Variants in NUP210 observed in about 807,000 individuals in gnomAD.
The protein encoded by NUP210 is nucleoporin 210.
Under a neutral mutation model 196.0 loss-of-function variants are expected in NUP210, and 151 were observed. The ratio of observed to expected loss-of-function variants is 0.77; its 90% CI spans 0.67 to 0.88. The LOEUF is 0.88. Ranked by LOEUF, NUP210 falls within the 40% of genes least tolerant of loss-of-function variation. The probability of loss-of-function intolerance (pLI) is 0.00; values close to 1 mark genes in which losing one functional copy is unlikely to be tolerated. For missense variants in NUP210, 2,314 were observed against 2,493.7 expected, an observed-to-expected ratio of 0.93 and a Z score of 1.53; for synonymous variants, 1,070 against 1,052.7, an observed-to-expected ratio of 1.02 and a Z score of -0.32.
At chr3:13,407,351 TC>T in intron 1 of NUP210, among the ~76,000 whole-genome samples, 1 of 152,140 alleles carries the variant, frequency 6.6e-6, no homozygotes, top group Non-Finnish European at 1.5e-5. Flanking sequence ...TTGTGATTAC[TC>T]CTGCTTGAAC....
Position 13,377,447 on chromosome 3 carries a change from G to A in NUP210, c.1152+9C>T. On this transcript the variant is annotated intron_variant, in intron 9 of 39. Transcript: ENST00000254508. ...CATCCCCCCAGCCAGGACCTGAACA[G>A]GCACTCACGTCAGATACATAGACCT... The A allele has an allele frequency of 6.3e-7, 1 of 1,592,366 alleles. No individual in the cohort carries two copies.
rs11918212 is a variant in NUP210, at chr3:13,332,393, G to C, written c.3844-9C>G. The C allele has an allele frequency of 0.073, 116,887 of 1,609,634 alleles. 7,943 individuals carry two copies. Among genetic ancestry groups the C allele is most frequent in the African/African-American group, 0.36 (26,882 of 74,890 alleles). On this transcript the variant is annotated splice_polypyrimidine_tract_variant and intron_variant, in intron 28 of 39. Transcript: ENST00000254508. ...TGCAGCTTCTCAAACACCTGCAAGA[G>C]AGGGCAAGTTTCACTTCCGATGGGG...
intron 30 of NUP210, among the ~76,000 whole-genome samples, chr3:13,329,169 A>G (rs1397578818): frequency 6.6e-6 from 1 of 152,180 alleles, no homozygotes; most frequent in Non-Finnish European, 1.5e-5. Flanking sequence ...TGGCCTCTCT[A>G]TGAGAAAACC....
chr3:13,358,366 G>A lies in NUP210; in HGVS notation c.2184C>T (p.Pro728=). 2.5e-6 allele frequency: 4 copies of A among 1,613,108 alleles called. No individual in the cohort carries two copies. The highest frequency in any genetic ancestry group is 3.4e-6 in the Non-Finnish European group (4 of 1,179,430). The change falls in exon 16 of 40, where the codon CCC becomes CCT. Residue 728 remains proline, a synonymous_variant. Coordinates refer to ENST00000254508, the MANE Select transcript of NUP210 (RefSeq NM_024923.4). ...QVIALSVGNK[P]SLTNPFPAVE... is the part of the protein sequence containing the mutation. ...CCGCAGGAAAGGGGTTGGTGAGGCTGGGCTTGTTCCCCACCGACAGGGCGA... is the reference window on the plus strand; with the variant it reads ...CCGCAGGAAAGGGGTTGGTGAGGCTAGGCTTGTTCCCCACCGACAGGGCGA...
chr3:13,401,741 A>T (rs547362105), intron 1 of NUP210, among the ~76,000 whole-genome samples: 1 of 152,262 alleles, frequency 6.6e-6, no homozygotes, highest in East Asian at 1.9e-4. Flanking sequence ...AAGCACACAC[A>T]AGAGTGTGGA....
intron 9 of NUP210, 45 bp downstream of exon 9, chr3:13,377,411 C>T (rs532866947): frequency 1.6e-5 from 22 of 1,413,854 alleles, no homozygotes; most frequent in African/African-American, 8.5e-5. Flanking sequence ...CGTCAGACAA[C>T]GACCCCACCT....
At chr3:13,400,014 G>C (rs969854067) in intron 1 of NUP210, among the ~76,000 whole-genome samples, 153 bp from the exon 2 acceptor site, 1 of 152,184 alleles carries the variant, frequency 6.6e-6, no homozygotes, top group Non-Finnish European at 1.5e-5. Context: ...CAAACCCAGA[G>C]GAGACGTGGG....
chr3:13,326,394 C>T (rs547538518), intron 32 of NUP210, among the ~76,000 whole-genome samples: 77 of 152,262 alleles, frequency 5.1e-4, no homozygotes, highest in African/African-American at 1.8e-3. Flanking sequence ...AGAGCTTTCA[C>T]CACATACACA....
intron 3 of NUP210, among the ~76,000 whole-genome samples, chr3:13,393,060 A>G (rs1382045601): frequency 1.3e-5 from 2 of 152,176 alleles, no homozygotes; most frequent in African/African-American, 2.4e-5. Flanking sequence ...TAACACAAAT[A>G]CATGCCAACA....
chr3:13,392,873 C>T (rs1699536022), intron 3 of NUP210, among the ~76,000 whole-genome samples: 1 of 151,610 alleles, frequency 6.6e-6, no homozygotes, highest in Non-Finnish European at 1.5e-5. Context: ...GCCCAGCAGG[C>T]CGGCTTTGCA....
intron 30 of NUP210, 79 bp from the exon 31 acceptor site, chr3:13,329,025 G>T: frequency 1.6e-6 from 2 of 1,282,478 alleles, no homozygotes; most frequent in South Asian, 2.6e-5. Context: ...CCAAGGAGGG[G>T]ACACCTGCCC....
Position 13,343,180 on chromosome 3 carries a change from C to T in NUP210, c.2959G>A (p.Asp987Asn). ...DIQELYIRVV[D>N]KVEIGKTVKA... is the part of the protein sequence containing the mutation. ...GTCATGAAGCTTCCACTGACCTTGT[C>T]AACCACACGGATGTACAGCTCCTGA... is the stretch of plus-strand genomic sequence containing the variant. The change falls in exon 21 of 40, where the codon GAC (aspartate) becomes AAC (asparagine). Residue 987 changes from aspartate to asparagine, a missense_variant. Transcript: ENST00000254508. 1.2e-6 allele frequency: 2 copies of T among 1,614,132 alleles called. No individual in the cohort carries two copies. The highest frequency in any genetic ancestry group is 2.7e-5 in the African/African-American group (2 of 75,054).
intron 14 of NUP210, among the ~76,000 whole-genome samples, chr3:13,362,346 T>C (rs1484552558): frequency 1.3e-5 from 2 of 152,298 alleles, no homozygotes; most frequent in East Asian, 1.9e-4. Flanking sequence ...CTCAGCTCCA[T>C]TGCTGTGGGG....
chr3:13,369,332 C>A (rs928015418), intron 13 of NUP210, among the ~76,000 whole-genome samples: 2 of 152,156 alleles, frequency 1.3e-5, no homozygotes, highest in Admixed American at 1.3e-4. Context: ...ATATTAACCC[C>A]TTATACAATT....
rs944546795 is a variant in NUP210, at chr3:13,359,907, C to T, written c.2154+363G>A. Among the ~76,000 whole-genome samples the T allele has an allele frequency of 3.3e-5, 5 of 152,242 alleles. 1 individual carries two copies. The South Asian group carries it at 1.0e-3, about 32-fold the overall frequency. On this transcript the variant is annotated intron_variant, in intron 15 of 39. Coordinates refer to ENST00000254508, the MANE Select transcript of NUP210 (RefSeq NM_024923.4). ...TCAAGAACCAACAAGATGTGTCAAA[C>T]CTGGGTCTACAGCCTCATTCATTTA...
In NUP210 at chr3:13,354,044, G is replaced by A. The variant is rs756490423; in HGVS notation, c.2392C>T (p.Arg798Trp). Residue 798 changes from arginine to tryptophan, a missense_variant, in exon 17 of 40, where the codon CGG (arginine) becomes TGG (tryptophan). Physicochemically the swap from Arg to Trp is moderately radical, Grantham distance 101. Transcript: ENST00000254508. ...CTCAGAGAGCTGAAGTTGTCGAACC[G>A]GCGGCCCTCCTGGTCGTAAGCAGCC... ...DLAAYDQEGR[R>W]FDNFSSLSIQ... 1.3e-5 allele frequency: 21 copies of A among 1,606,646 alleles called. No individual in the cohort carries two copies. Among genetic ancestry groups the A allele is most frequent in the African/African-American group, 5.3e-5 (4 of 74,906 alleles).
intron 39 of NUP210, among the ~76,000 whole-genome samples, chr3:13,318,266 G>T (rs544237840): frequency 6.6e-5 from 10 of 152,314 alleles, no homozygotes; most frequent in South Asian, 2.1e-4. Flanking sequence ...AGCAGCTGCA[G>T]AAGGCAGCAG....
At chr3:13,368,347 G>C (rs1698610847) in intron 13 of NUP210, among the ~76,000 whole-genome samples, 1 of 152,154 alleles carries the variant, frequency 6.6e-6, no homozygotes, top group Admixed American at 6.5e-5. Flanking sequence ...AAAATGCTGG[G>C]ATTAAGGGCA....
Position 13,350,210 on chromosome 3 carries a change from AAC to A in NUP210, c.2835+1667_2835+1668del, listed in dbSNP as rs1697917687. ...TGGGTGCGTGTGTGTTCAGCAAAAT[AAC>A]ACAGCCTGTGTGTGTGTGTGTTCAG... On this transcript the variant is annotated intron_variant, in intron 20 of 39. Coordinates refer to ENST00000254508, the MANE Select transcript of NUP210 (RefSeq NM_024923.4). This position sits in a 1 kb window ranked among gnomAD's most constrained non-coding sequence, Gnocchi z 4.1. 7.6e-6 allele frequency among the ~76,000 whole-genome samples: 1 copy of A among 131,294 alleles called. No individual in the cohort carries two copies. Among genetic ancestry groups the A allele is most frequent in the African/African-American group, 3.6e-5 (1 of 28,036 alleles). 86.1% of individuals were successfully genotyped at this position (131,294 alleles called of 152,430 possible).
Sources: allele counts gnomAD v4.1 joint callset (sites outside exome capture counted in the v4.1 genomes callset), GRCh38; gene constraint gnomAD v4.1.1; non-coding constraint Gnocchi (gnomAD v3.1); transcripts MANE v1.5; gene names NCBI Gene and HGNC (gene_info 2026-07-23, HGNC 2026-07-21).